PTTG1IP2: variants seen among roughly 807,000 people sequenced by gnomAD.
PTTG1IP2 encodes PTTG1IP family member 2.
intron 6 of PTTG1IP2, among the ~76,000 whole-genome samples, chr7:90,503,383 G>A (rs1017428038): frequency 6.6e-6 from 1 of 152,198 alleles, no homozygotes; most frequent in Non-Finnish European, 1.5e-5. Context: ...CACTGGAATA[G>A]CAGTTTTAAT....
intron 6 of PTTG1IP2, among the ~76,000 whole-genome samples, chr7:90,499,414 C>T (rs1798035652): frequency 6.6e-6 from 1 of 152,104 alleles, no homozygotes; most frequent in East Asian, 1.9e-4. Context: ...AACTTTTGTA[C>T]CAGAACATTT....
chr7:90,476,732 T>C (rs1797751831), intron 1 of PTTG1IP2, among the ~76,000 whole-genome samples: 1 of 152,158 alleles, frequency 6.6e-6, no homozygotes. Context: ...CAAGATGACA[T>C]ATGACAAACC....
At chr7:90,493,903 A>G (rs1405297270) in intron 5 of PTTG1IP2, among the ~76,000 whole-genome samples, 1 of 152,238 alleles carries the variant, frequency 6.6e-6, no homozygotes, top group Non-Finnish European at 1.5e-5. Flanking sequence ...AAGACATAGA[A>G]TAAACAGGCT....
At chr7:90,472,473 A>T (rs112197988) in intron 1 of PTTG1IP2, among the ~76,000 whole-genome samples, 20 of 152,372 alleles carry the variant, frequency 1.3e-4, no homozygotes, top group Admixed American at 1.2e-3. Context: ...TAAAAGGCAG[A>T]TAGCTCCAAG....
intron 3 of PTTG1IP2, 133 bp from the exon 4 acceptor site, chr7:90,488,738 G>A (rs939024111): frequency 6.6e-6 from 1 of 152,004 alleles, no homozygotes; most frequent in Non-Finnish European, 1.5e-5. Context: ...AATATGTAAT[G>A]TATGTTATTG....
At chr7:90,480,420 A>T in intron 2 of PTTG1IP2, among the ~76,000 whole-genome samples, 1 of 152,142 alleles carries the variant, frequency 6.6e-6, no homozygotes, top group Non-Finnish European at 1.5e-5. Context: ...TTATAAAGGA[A>T]ATTTTCAAAT....
At chr7:90,474,493 G>T (rs1288195802) in intron 1 of PTTG1IP2, among the ~76,000 whole-genome samples, 2 of 152,220 alleles carry the variant, frequency 1.3e-5, no homozygotes, top group Non-Finnish European at 2.9e-5. Flanking sequence ...GGTTTCTGGG[G>T]TTGCTCCAAG....
chr7:90,478,109 A>AAG (rs1192298684), intron 1 of PTTG1IP2, among the ~76,000 whole-genome samples: 3 of 151,686 alleles, frequency 2.0e-5, no homozygotes, highest in African/African-American at 7.3e-5. Flanking sequence ...AAAAAAAAAA[A>AAG]AAAAAAAGAA....
At chr7:90,478,926 A>G (rs1797783309) in intron 1 of PTTG1IP2, among the ~76,000 whole-genome samples, 1 of 152,092 alleles carries the variant, frequency 6.6e-6, no homozygotes, top group Non-Finnish European at 1.5e-5. Context: ...TTTAAAATAC[A>G]ATGGAGTTGC....
intron 6 of PTTG1IP2, among the ~76,000 whole-genome samples, chr7:90,496,679 T>A (rs940698277): frequency 3.9e-5 from 6 of 152,270 alleles, no homozygotes; most frequent in Non-Finnish European, 8.8e-5. Flanking sequence ...TCTATTGTTT[T>A]TCTAGTGTCT....
chr7:90,489,503 T>A (rs2116080856), intron 4 of PTTG1IP2, among the ~76,000 whole-genome samples: 1 of 152,020 alleles, frequency 6.6e-6, no homozygotes, highest in East Asian at 1.9e-4. Flanking sequence ...ATCCTTCTCC[T>A]GTTACACATA....
chr7:90,493,154 G>C (rs1797958037), intron 5 of PTTG1IP2, among the ~76,000 whole-genome samples: 1 of 152,076 alleles, frequency 6.6e-6, no homozygotes, highest in African/African-American at 2.4e-5. Context: ...CAGGGTGCGG[G>C]GGGGCTTCAG....
intron 2 of PTTG1IP2, among the ~76,000 whole-genome samples, chr7:90,484,301 C>T (rs1487612497): frequency 6.6e-6 from 1 of 151,978 alleles, no homozygotes; most frequent in East Asian, 1.9e-4. Flanking sequence ...AATCTTAAAC[C>T]ACTAAAAATT....
intron 6 of PTTG1IP2, among the ~76,000 whole-genome samples, chr7:90,500,116 G>A (rs1237097443): frequency 6.6e-6 from 1 of 152,022 alleles, no homozygotes; most frequent in Non-Finnish European, 1.5e-5. Flanking sequence ...TGGAGGCTGA[G>A]ATGGGAGGAT....
intron 6 of PTTG1IP2, among the ~76,000 whole-genome samples, chr7:90,496,446 A>G (rs1797992557): frequency 6.6e-6 from 1 of 152,170 alleles, no homozygotes; most frequent in South Asian, 2.1e-4. Context: ...TCTTCACAGT[A>G]TCTCGTAATC....
intron 1 of PTTG1IP2, among the ~76,000 whole-genome samples, chr7:90,475,177 A>C (rs916768988): frequency 7.9e-5 from 12 of 152,184 alleles, no homozygotes; most frequent in African/African-American, 2.9e-4. Flanking sequence ...GAGCTTATGA[A>C]CTTTTATGGC....
chr7:90,484,596 A>T (rs953714189), intron 2 of PTTG1IP2, among the ~76,000 whole-genome samples: 4 of 152,188 alleles, frequency 2.6e-5, no homozygotes, highest in African/African-American at 9.6e-5. Context: ...CAATTTAGGA[A>T]TGTTGAATAT....
chr7:90,484,871 T>C (rs1797850986), intron 2 of PTTG1IP2, among the ~76,000 whole-genome samples: 1 of 152,230 alleles, frequency 6.6e-6, no homozygotes, highest in Non-Finnish European at 1.5e-5. Context: ...ATTGACTTTA[T>C]TTTTCTCTTG....
At chr7:90,510,181 G>A (rs566099812) in intron 6 of PTTG1IP2, among the ~76,000 whole-genome samples, 2 of 152,278 alleles carry the variant, frequency 1.3e-5, no homozygotes, top group East Asian at 3.9e-4. Flanking sequence ...GGACCACTGT[G>A]CCTAAATTGG....
Sources: gnomAD v4.1 joint callset for allele counts (sites outside exome capture counted in the v4.1 genomes callset) on GRCh38, gnomAD v4.1.1 for gene constraint, MANE v1.5 for transcripts, NCBI Gene and HGNC (gene_info 2026-07-23, HGNC 2026-07-21) for gene names.